The following SLC7A5 variants were observed in gnomAD, a reference collection of about 807,000 sequenced individuals.
SLC7A5 encodes solute carrier family 7 member 5, also known as large neutral amino acids transporter small subunit 1.
A neutral mutation model predicts 50.2 loss-of-function variants in SLC7A5; 23 were observed. That is an observed-to-expected ratio of 0.46 (90% CI 0.33 to 0.65). SLC7A5 has a LOEUF of 0.65. Ranked by LOEUF, SLC7A5 falls within the 30% of genes least tolerant of loss-of-function variation. SLC7A5 has a pLI of 0.02. For synonymous variants in SLC7A5, 393 were observed against 330.6 expected (o/e 1.19, Z -2.05); for missense variants, 578 against 684.4 (o/e 0.84, Z 1.73).
chr16:87,868,932 C>A lies in SLC7A5; in HGVS notation c.491G>T (p.Cys164Phe). The A allele has an allele frequency of 3.7e-6, 6 of 1,610,344 alleles. No homozygotes were observed. Among genetic ancestry groups the A allele is most frequent in the Non-Finnish European group, 5.1e-6 (6 of 1,179,366 alleles). The part of the protein sequence containing the change: ...TYLLKPLFPT[C>F]PVPEEAAKLV... The stretch of plus-strand genomic sequence containing the variant: ...CTTGGCTGCCTCCTCGGGCACCGGG[C>A]AGGTGGGGAAGAGCGGCTTGAGCAG... Residue 164 changes from cysteine to phenylalanine, a missense_variant, in exon 1 of 10, where the codon TGC becomes TTC. By Grantham distance (205) the Cys-to-Phe change is radical (BLOSUM62 -2). Coordinates refer to ENST00000261622, the MANE Select transcript of SLC7A5 (RefSeq NM_003486.7).
At chr16:87,849,552 C>T (rs1399612879) in intron 2 of SLC7A5, among the ~76,000 whole-genome samples, 4 of 152,186 alleles carry the variant, frequency 2.6e-5, no homozygotes, top group South Asian at 2.1e-4. Flanking sequence ...ATCTGATGAG[C>T]GCAGCCAAGC....
At chr16:87,865,404 G>C (rs1020175853) in intron 1 of SLC7A5, among the ~76,000 whole-genome samples, 11 of 152,142 alleles carry the variant, frequency 7.2e-5, no homozygotes, top group African/African-American at 2.7e-4. Context: ...GGGACCAAAA[G>C]GACTGCTTGG....
chr16:87,838,836 T>A lies in SLC7A5; in HGVS notation c.940-19A>T. On this transcript the variant is annotated intron_variant, in intron 5 of 9. Coordinates refer to ENST00000261622, the MANE Select transcript of SLC7A5 (RefSeq NM_003486.7). ...CGAAGTCCTAGGCAGGCACAACCAG[T>A]GAGCTGGGCCCCACCGGGCCGGCCC... 6.3e-7 allele frequency: 1 copy of A among 1,597,138 alleles called. No individual in the cohort carries two copies. Among genetic ancestry groups the A allele is most frequent in the Non-Finnish European group, 8.6e-7 (1 of 1,164,960 alleles).
intron 2 of SLC7A5, among the ~76,000 whole-genome samples, chr16:87,848,819 G>C (rs889019857): frequency 6.6e-6 from 1 of 152,362 alleles, no homozygotes; most frequent in African/African-American, 2.4e-5. Flanking sequence ...GTTCTCATTG[G>C]GACCCGGCAT....
At chr16:87,835,160 A>G (rs949595151) in intron 8 of SLC7A5, among the ~76,000 whole-genome samples, 3 of 152,230 alleles carry the variant, frequency 2.0e-5, no homozygotes, top group African/African-American at 7.2e-5. Context: ...GCTGTCCTGA[A>G]TCCATACTTG....
Position 87,834,500 on chromosome 16 carries a change from C to A in SLC7A5, c.1382G>T (p.Gly461Val). 6.3e-7 allele frequency: 1 copy of A among 1,588,014 alleles called. No individual in the cohort carries two copies. The highest frequency in any genetic ancestry group is 2.3e-5 in the East Asian group (1 of 44,040). ...CAGCCCGCTGAGGATGATGGTGAAG[C>A]CGATGCCACACTCCACGGGTGTCTT... ...FWKTPVECGI[G>V]FTIILSGLPV... is the part of the protein sequence containing the mutation. Residue 461 changes from glycine to valine, a missense_variant, in exon 9 of 10, where the codon GGC becomes GTC. By Grantham distance (109) the Gly-to-Val change is moderately radical. Transcript: ENST00000261622.
Position 87,860,560 on chromosome 16 carries a change from TCCAGCTGTGGC to T in SLC7A5, c.538+8314_538+8324del, listed in dbSNP as rs144531276. The stretch of plus-strand genomic sequence containing the variant: ...TTCTGTCCTTGTAGGAGGTATGAAC[TCCAGCTGTGGC>T]CCACCCCCTGGGGCACATGTCCTCA... On this transcript the variant is annotated intron_variant, in intron 1 of 9. Coordinates refer to ENST00000261622, the MANE Select transcript of SLC7A5 (RefSeq NM_003486.7). The surrounding 1 kb of genome is among the most constrained non-coding windows in gnomAD (Gnocchi z 4.8). 0.012 allele frequency among the ~76,000 whole-genome samples: 1,825 copies of T among 152,204 alleles called. 30 individuals carry two copies. The highest frequency in any genetic ancestry group is 0.037 in the African/African-American group (1,548 of 41,522).
rs2040948619 is a variant in SLC7A5 at position 87,834,397 on chromosome 16, G to A, written c.1468+17C>T. Reference sequence around the variant, plus strand: ...GGGCAGAGGGTACCACGGGCTGTGGGCCAGCGAGATACTCACAGATGCCCT... The same window carrying A: ...GGGCAGAGGGTACCACGGGCTGTGGACCAGCGAGATACTCACAGATGCCCT... On this transcript the variant is annotated intron_variant, in intron 9 of 9. Transcript: ENST00000261622. 2 of 1,551,254 alleles carry A rather than the reference G, an allele frequency of 1.3e-6. No individual in the cohort carries two copies. Among genetic ancestry groups the A allele is most frequent in the Non-Finnish European group, 1.7e-6 (2 of 1,147,018 alleles).
intron 8 of SLC7A5, 133 bp downstream of exon 8, chr16:87,836,365 G>A (rs976056169): frequency 1.2e-5 from 12 of 998,240 alleles, no homozygotes; most frequent in African/African-American, 3.2e-5. Flanking sequence ...GGAATTAGTC[G>A]ACCCAGGTGC....
chr16:87,831,787 G>T lies in SLC7A5; in HGVS notation c.*1183C>A, dbSNP rs1172907737. The T allele has an allele frequency of 6.6e-6, 1 of 152,332 alleles. No homozygotes were observed. The highest frequency in any genetic ancestry group is 2.4e-5 in the African/African-American group (1 of 41,472). The allele number at this position is 152,332 out of a possible 1,614,324, so 9.4% of individuals were successfully genotyped here. ...GCGAAAAAAATTCACGGGAACAACA[G>T]AAACAAGGGGTGCCCTAGTTCCCTC... On this transcript the variant is annotated 3_prime_UTR_variant, in exon 10 of 10. Transcript: ENST00000261622.
intron 5 of SLC7A5, 103 bp downstream of exon 5, chr16:87,839,599 C>T (rs1372218596): frequency 6.4e-6 from 10 of 1,560,300 alleles, no homozygotes; most frequent in African/African-American, 1.4e-5. Context: ...GCCCCCTCTG[C>T]GTAGGGGAGG....
In SLC7A5 at chr16:87,832,867, G is replaced by A; in HGVS notation, c.*103C>T. 2 of 922,366 alleles carry A rather than the reference G, an allele frequency of 2.2e-6. No homozygotes were observed. The highest frequency in any genetic ancestry group is 1.3e-5 in the South Asian group (1 of 77,046). 57.1% of individuals were successfully genotyped at this position (922,366 alleles called of 1,614,324 possible). A position where few individuals can be genotyped will look rare whatever the true frequency, so the allele number is the denominator to read the frequency against. On this transcript the variant is annotated 3_prime_UTR_variant, in exon 10 of 10. Transcript: ENST00000261622. This position sits in a 1 kb window ranked among gnomAD's most constrained non-coding sequence, Gnocchi z 4.6. ...GAGGGACGGCGAGGGACTGGGATGG[G>A]CAGCTGAGCTGTGGGTTGCGGGGAA...
intron 2 of SLC7A5, among the ~76,000 whole-genome samples, chr16:87,850,237 A>G (rs2055203345): frequency 6.6e-6 from 1 of 152,156 alleles, no homozygotes. Context: ...TTCACAGCCC[A>G]CCAGTGGCAC....
At chr16:87,847,022 C>A (rs937315208) in intron 2 of SLC7A5, among the ~76,000 whole-genome samples, 1 of 152,164 alleles carries the variant, frequency 6.6e-6, no homozygotes, top group Non-Finnish European at 1.5e-5. Flanking sequence ...GCCCTCTCTC[C>A]GGGAGGGCAC....
rs2055416523 is a variant in SLC7A5, at chr16:87,862,894, CA to C, written c.538+5990del. Among the ~76,000 whole-genome samples, 1 of 152,236 alleles carries C rather than the reference CA, an allele frequency of 6.6e-6. No homozygotes were observed. Among genetic ancestry groups the C allele is most frequent in the Non-Finnish European group, 1.5e-5 (1 of 68,040 alleles). ...CACCAATCTGCTGAGGAGTGACAGC[CA>C]TGGGGAGGAGAGCCACCTCACTCCA... On this transcript the variant is annotated intron_variant, in intron 1 of 9. Coordinates refer to ENST00000261622, the MANE Select transcript of SLC7A5 (RefSeq NM_003486.7). This position sits in a 1 kb window ranked among gnomAD's most constrained non-coding sequence, Gnocchi z 5.3.
chr16:87,851,433 C>T (rs2055221156), intron 2 of SLC7A5, among the ~76,000 whole-genome samples: 1 of 152,198 alleles, frequency 6.6e-6, no homozygotes, highest in Non-Finnish European at 1.5e-5. Context: ...GGTGAGGTTA[C>T]AACGCATCAG....
intron 1 of SLC7A5, among the ~76,000 whole-genome samples, chr16:87,857,107 C>T (rs562543447): frequency 9.2e-5 from 14 of 152,358 alleles, no homozygotes; most frequent in South Asian, 2.1e-4. Flanking sequence ...CTGCCCATGC[C>T]GGCTCCAGAT....
intron 8 of SLC7A5, 173 bp from the exon 9 acceptor site, chr16:87,834,764 ACT>A (rs2054977137): frequency 1.4e-6 from 1 of 694,432 alleles, no homozygotes; most frequent in Admixed American, 2.1e-5. Context: ...CCCGCCCTCG[ACT>A]CTGCATACAG....
At chr16:87,851,005 C>A (rs568179835) in intron 2 of SLC7A5, among the ~76,000 whole-genome samples, 1 of 152,306 alleles carries the variant, frequency 6.6e-6, no homozygotes, top group Non-Finnish European at 1.5e-5. Context: ...TTCCTTCTAC[C>A]AGCCCCAAGA....
Sources: allele counts gnomAD v4.1 joint callset (sites outside exome capture counted in the v4.1 genomes callset), GRCh38; gene constraint gnomAD v4.1.1; non-coding constraint Gnocchi (gnomAD v3.1); transcripts MANE v1.5; gene names NCBI Gene and HGNC (gene_info 2026-07-23, HGNC 2026-07-21).